FGF14: variants seen among roughly 807,000 people sequenced by gnomAD.
FGF14 encodes fibroblast growth factor 14, also known as fibroblast growth factor homologous factor 4.
In FGF14, 5 loss-of-function variants were observed where a neutral mutation model predicts 25.5. That is an observed-to-expected ratio of 0.20 (90% CI 0.10 to 0.41). The LOEUF is 0.41. Among genes scored for constraint, FGF14 ranks in the 10% least tolerant of loss-of-function variants. FGF14 has a pLI of 1.00. For missense variants in FGF14, 222 were observed against 320.1 expected, an observed-to-expected ratio of 0.69 and a Z score of 2.34; for synonymous variants, 138 against 118.3, an observed-to-expected ratio of 1.17 and a Z score of -1.08.
chr13:102,387,621 T>A (rs1297850065), intron 1 of FGF14, among the ~76,000 whole-genome samples: 1 of 152,218 alleles, frequency 6.6e-6, no homozygotes, highest in East Asian at 1.9e-4. Context: ...ATGTGCAGGT[T>A]TGTTATGTAG....
At chr13:102,277,679 G>A (rs191827183) in intron 1 of FGF14, among the ~76,000 whole-genome samples, 35 of 152,306 alleles carry the variant, frequency 2.3e-4, no homozygotes, top group African/African-American at 7.7e-4. Flanking sequence ...CCATTTACCA[G>A]ATCTTCTTGA....
At chr13:101,906,402 A>T (rs571266819) in intron 1 of FGF14, among the ~76,000 whole-genome samples, 1 of 152,234 alleles carries the variant, frequency 6.6e-6, no homozygotes, top group Non-Finnish European at 1.5e-5. Flanking sequence ...TTTAAAGGGC[A>T]TGTTGTATCC....
chr13:101,724,870 T>C (rs995257038), intron 4 of FGF14, among the ~76,000 whole-genome samples: 5 of 145,806 alleles, frequency 3.4e-5, no homozygotes, highest in African/African-American at 1.1e-4. Context: ...CTCTTTCTCA[T>C]ATATATATAT....
intron 1 of FGF14, among the ~76,000 whole-genome samples, chr13:101,954,038 T>C (rs1016994550): frequency 1.3e-5 from 2 of 152,202 alleles, no homozygotes; most frequent in Non-Finnish European, 2.9e-5. Flanking sequence ...AAAGTTTCTT[T>C]CATTACAGCA....
At chr13:101,833,022 C>T (rs1004563943) in intron 3 of FGF14, among the ~76,000 whole-genome samples, 4 of 151,962 alleles carry the variant, frequency 2.6e-5, no homozygotes, top group African/African-American at 7.2e-5. Flanking sequence ...AAACCACACA[C>T]GAGGAAAAGC....
intron 1 of FGF14, among the ~76,000 whole-genome samples, chr13:102,300,653 T>A (rs2054987722): frequency 6.6e-6 from 1 of 152,244 alleles, no homozygotes; most frequent in South Asian, 2.1e-4. Context: ...AGCTCTATCA[T>A]AGTAAGAATA....
intron 1 of FGF14, among the ~76,000 whole-genome samples, chr13:102,152,801 T>G (rs1269640996): frequency 1.3e-5 from 2 of 152,246 alleles, no homozygotes; most frequent in Non-Finnish European, 2.9e-5. Context: ...CTTACCTTTG[T>G]GCAGTGATGT....
intron 1 of FGF14, among the ~76,000 whole-genome samples, chr13:102,101,535 C>A (rs2044662271): frequency 1.3e-5 from 2 of 152,112 alleles, no homozygotes; most frequent in African/African-American, 2.4e-5. Flanking sequence ...TATGGTACAA[C>A]TTTTAAAAGG....
intron 1 of FGF14, among the ~76,000 whole-genome samples, chr13:102,261,608 G>C (rs1206206035): frequency 6.6e-6 from 1 of 152,096 alleles, no homozygotes; most frequent in African/African-American, 2.4e-5. Flanking sequence ...TGACTAAATA[G>C]TTCCTTTCTA....
chr13:102,066,173 C>T (rs533907778), intron 1 of FGF14, among the ~76,000 whole-genome samples: 2 of 152,084 alleles, frequency 1.3e-5, no homozygotes, highest in East Asian at 3.9e-4. Flanking sequence ...GAATCCATAC[C>T]AATTATTATA....
chr13:102,241,593 G>A (rs911320777), intron 1 of FGF14, among the ~76,000 whole-genome samples: 21 of 152,136 alleles, frequency 1.4e-4, no homozygotes, highest in African/African-American at 5.1e-4. Flanking sequence ...AAAAAAATAT[G>A]ATCTGTCCAC....
chr13:101,970,123 T>A (rs992817054), intron 1 of FGF14, among the ~76,000 whole-genome samples: 1 of 152,204 alleles, frequency 6.6e-6, no homozygotes, highest in Non-Finnish European at 1.5e-5. Context: ...TTAAATGTCA[T>A]ATTTTGAAGA....
intron 1 of FGF14, among the ~76,000 whole-genome samples, chr13:102,331,689 G>A (rs1017844088): frequency 2.6e-5 from 4 of 152,154 alleles, no homozygotes; most frequent in African/African-American, 9.7e-5. Context: ...ATGAACACAA[G>A]CTACATGAAA....
chr13:101,766,992 G>A (rs949977543), intron 3 of FGF14, among the ~76,000 whole-genome samples: 1 of 152,056 alleles, frequency 6.6e-6, no homozygotes, highest in Non-Finnish European at 1.5e-5. Flanking sequence ...TCTTAACTAG[G>A]CTTTAAATGC....
chr13:101,850,726 A>G (rs1188235805), intron 3 of FGF14, among the ~76,000 whole-genome samples: 1 of 147,912 alleles, frequency 6.8e-6, no homozygotes, highest in Non-Finnish European at 1.5e-5. Flanking sequence ...ATATAGAGAG[A>G]GAAGATATAT....
rs141571281 is a variant in FGF14 at position 102,293,106 on chromosome 13, G to C, written c.208+108365C>G. 1,045 of 152,362 alleles carry C rather than the reference G, an allele frequency of 6.9e-3. 11 individuals carry two copies. The highest frequency in any genetic ancestry group is 0.042 in the South Asian group (203 of 4,820). The allele number at this position is 152,362 out of a possible 1,614,324, so 9.4% of individuals were successfully genotyped here. ...ACCACCCCACTGTCTGTCCATCTCT[G>C]GTATCCATTCCTGCCTCTCACCTCC... On this transcript the variant is annotated intron_variant, in intron 1 of 4. Coordinates refer to the FGF14 transcript ENST00000376131.
At chr13:101,851,109 G>C (rs1470371726) in intron 3 of FGF14, among the ~76,000 whole-genome samples, 1 of 151,956 alleles carries the variant, frequency 6.6e-6, no homozygotes, top group Admixed American at 6.6e-5. Context: ...TTGACACTTA[G>C]CACTCATTTT....
At chr13:102,401,782 G>T, upstream of FGF14, 3 of 967,674 alleles carry the variant, frequency 3.1e-6, no homozygotes, top group South Asian at 2.7e-5. Flanking sequence ...CAGGGTGAAT[G>T]ATTTATCCCC....
rs1262617821 is a variant in FGF14, at chr13:101,720,394, T to C, written c.*2437A>G. The C allele has an allele frequency of 6.6e-6, 1 of 152,150 alleles. No individual in the cohort carries two copies. The highest frequency in any genetic ancestry group is 2.4e-5 in the African/African-American group (1 of 41,466). 9.4% of individuals were successfully genotyped at this position (152,150 alleles called of 1,614,324 possible). A position where few individuals can be genotyped will look rare whatever the true frequency, so the allele number is the denominator to read the frequency against. On this transcript the variant is annotated 3_prime_UTR_variant, in exon 5 of 5. Transcript: ENST00000376143. The stretch of plus-strand genomic sequence containing the variant: ...CCCCATATATAAAACACAACAGAGA[T>C]ACACATTTACATAAATCTCAGTCAT...
Sources: gnomAD v4.1 joint callset for allele counts (sites outside exome capture counted in the v4.1 genomes callset) on GRCh38, gnomAD v4.1.1 for gene constraint, MANE v1.5 for transcripts, NCBI Gene and HGNC (gene_info 2026-07-23, HGNC 2026-07-21) for gene names.